Variants in GPC6 observed in about 807,000 individuals in gnomAD.
The protein encoded by GPC6 is glypican-6.
Under a neutral mutation model 55.2 loss-of-function variants are expected in GPC6, and 14 were observed. The ratio of observed to expected loss-of-function variants is 0.25; its 90% CI spans 0.17 to 0.40. The LOEUF (loss-of-function observed/expected upper bound fraction) is 0.40, where lower values mean the gene tolerates loss of function less well. Ranked by LOEUF, GPC6 falls within the 10% of genes least tolerant of loss-of-function variation. The pLI is 1.00. For missense variants in GPC6, 641 were observed against 708.5 expected (o/e 0.90, Z 1.08); for synonymous variants, 278 against 259.6 (o/e 1.07, Z -0.68).
At chr13:93,756,994 T>C (rs1383294194) in intron 2 of GPC6, among the ~76,000 whole-genome samples, 1 of 152,194 alleles carries the variant, frequency 6.6e-6, no homozygotes, top group African/African-American at 2.4e-5. Context: ...TGTGGCACAT[T>C]TTACATCGCA....
chr13:93,738,906 G>A (rs1381463506), intron 2 of GPC6, among the ~76,000 whole-genome samples: 1 of 151,400 alleles, frequency 6.6e-6, no homozygotes, highest in South Asian at 2.1e-4. Context: ...AACTCACAGT[G>A]ATAGTTTAAA....
intron 1 of GPC6, among the ~76,000 whole-genome samples, chr13:93,344,226 C>T (rs1267730527): frequency 4.6e-5 from 7 of 152,134 alleles, no homozygotes; most frequent in Non-Finnish European, 8.8e-5. Flanking sequence ...AAACTGGCCC[C>T]GCCTCTTTGT....
At chr13:93,574,283 A>T (rs546190831) in intron 2 of GPC6, among the ~76,000 whole-genome samples, 6 of 152,244 alleles carry the variant, frequency 3.9e-5, no homozygotes, top group African/African-American at 1.4e-4. Flanking sequence ...ATTCAATCTG[A>T]TTAATAGCTT....
intron 3 of GPC6, among the ~76,000 whole-genome samples, chr13:93,907,357 A>G (rs1262679079): frequency 6.6e-6 from 1 of 152,202 alleles, no homozygotes; most frequent in Non-Finnish European, 1.5e-5. Context: ...TCAATGGGAT[A>G]CATTATAGTT....
chr13:94,233,451 T>C (rs897142874), intron 4 of GPC6, among the ~76,000 whole-genome samples: 2 of 152,204 alleles, frequency 1.3e-5, no homozygotes, highest in African/African-American at 2.4e-5. Context: ...TGGTTTCAGT[T>C]ACCCACAGCC....
chr13:94,254,054 G>A (rs1891434213), intron 4 of GPC6, among the ~76,000 whole-genome samples: 1 of 152,070 alleles, frequency 6.6e-6, no homozygotes, highest in Non-Finnish European at 1.5e-5. Context: ...CACAATGAGT[G>A]AAAATGCATT....
chr13:93,487,931 TAAAC>T (rs1157889157), intron 1 of GPC6, among the ~76,000 whole-genome samples: 4 of 152,176 alleles, frequency 2.6e-5, no homozygotes, highest in South Asian at 2.1e-4. Context: ...ACAATAAAAA[TAAAC>T]AAAATCTATA....
At chr13:93,433,981 G>A (rs1218886467) in intron 1 of GPC6, among the ~76,000 whole-genome samples, 1 of 152,158 alleles carries the variant, frequency 6.6e-6, no homozygotes, top group African/African-American at 2.4e-5. Flanking sequence ...CCTTGGGCTA[G>A]TTCCTTTGCC....
intron 1 of GPC6, among the ~76,000 whole-genome samples, chr13:93,336,087 T>C (rs1370107152): frequency 1.3e-5 from 2 of 152,182 alleles, no homozygotes; most frequent in African/African-American, 4.8e-5. Context: ...CACATCATCA[T>C]AAAAAAGTGT....
intron 3 of GPC6, among the ~76,000 whole-genome samples, chr13:93,910,305 T>C (rs1876900025): frequency 6.6e-6 from 1 of 152,154 alleles, no homozygotes; most frequent in African/African-American, 2.4e-5. Context: ...CACCACCATG[T>C]GAGAAGTCCC....
At chr13:93,239,295 TC>T (rs1876350568) in intron 1 of GPC6, among the ~76,000 whole-genome samples, 1 of 151,976 alleles carries the variant, frequency 6.6e-6, no homozygotes, top group African/African-American at 2.4e-5. Flanking sequence ...TCTATTTCTT[TC>T]TGATTCAAGC....
At chr13:93,399,861 C>T (rs1294752566) in intron 1 of GPC6, among the ~76,000 whole-genome samples, 1 of 149,566 alleles carries the variant, frequency 6.7e-6, no homozygotes, top group Non-Finnish European at 1.5e-5. Context: ...TTGCAGAGGA[C>T]TGCATGTGTG....
At chr13:94,239,487 T>A (rs1424659393) in intron 4 of GPC6, among the ~76,000 whole-genome samples, 6 of 152,164 alleles carry the variant, frequency 3.9e-5, no homozygotes, top group Admixed American at 1.3e-4. Flanking sequence ...GCACCACATG[T>A]AGATGATTCT....
At chr13:94,070,125 T>C (rs1031740811) in intron 4 of GPC6, among the ~76,000 whole-genome samples, 2 of 152,188 alleles carry the variant, frequency 1.3e-5, no homozygotes, top group Admixed American at 1.3e-4. Flanking sequence ...CTCACAATCA[T>C]GGTGGAAGGC....
chr13:93,968,949 T>C (rs527240060), intron 3 of GPC6, among the ~76,000 whole-genome samples: 2 of 152,314 alleles, frequency 1.3e-5, no homozygotes, highest in African/African-American at 4.8e-5. Context: ...TTGATTTAGT[T>C]TTCCCCAGTC....
chr13:93,836,896 T>A (rs923285318), intron 3 of GPC6, among the ~76,000 whole-genome samples: 1 of 152,148 alleles, frequency 6.6e-6, no homozygotes, highest in African/African-American at 2.4e-5. Flanking sequence ...CAGGTGTCAG[T>A]AGAAGAAAAG....
intron 3 of GPC6, among the ~76,000 whole-genome samples, chr13:93,854,312 G>A (rs1888522402): frequency 6.6e-6 from 1 of 151,596 alleles, no homozygotes; most frequent in South Asian, 2.1e-4. Flanking sequence ...ATTGATCCAA[G>A]CTACCTTATA....
chr13:93,996,782 A>G (rs1881576492), intron 3 of GPC6, among the ~76,000 whole-genome samples: 3 of 152,076 alleles, frequency 2.0e-5, no homozygotes, highest in African/African-American at 4.8e-5. Flanking sequence ...TTGAAATTGC[A>G]TTTGTTTTTC....
intron 6 of GPC6, among the ~76,000 whole-genome samples, chr13:94,336,946 G>A (rs909427003): frequency 1.3e-5 from 2 of 152,124 alleles, no homozygotes; most frequent in Non-Finnish European, 2.9e-5. Flanking sequence ...TTTTGAATTT[G>A]TTTTATGATA....
Sources: gnomAD v4.1 joint callset for allele counts (sites outside exome capture counted in the v4.1 genomes callset) on GRCh38, gnomAD v4.1.1 for gene constraint, MANE v1.5 for transcripts, NCBI Gene and HGNC (gene_info 2026-07-23, HGNC 2026-07-21) for gene names.